ARIH2: variants seen among roughly 807,000 people sequenced by gnomAD.
The protein encoded by ARIH2 is E3 ubiquitin-protein ligase ARIH2.
In ARIH2, 12 loss-of-function variants were observed where a neutral mutation model predicts 79.8. The observed-to-expected ratio is 0.15, with a 90% CI of 0.10 to 0.24. ARIH2 has a LOEUF of 0.24. Among genes scored for constraint, ARIH2 ranks in the 10% least tolerant of loss-of-function variants. ARIH2 has a pLI of 1.00. For synonymous variants in ARIH2, 224 were observed against 213.9 expected (o/e 1.05, Z -0.41); for missense variants, 301 against 618.3 (o/e 0.49, Z 5.44).
At chr3:48,942,931 G>T (rs931926499) in intron 3 of ARIH2, among the ~76,000 whole-genome samples, 3 of 152,012 alleles carry the variant, frequency 2.0e-5, no homozygotes, top group Admixed American at 6.6e-5. Flanking sequence ...AATTACAGGA[G>T]TGAGTCACCG....
At chr3:48,976,169 C>G (rs941375818) in intron 11 of ARIH2, among the ~76,000 whole-genome samples, 1 of 148,926 alleles carries the variant, frequency 6.7e-6, no homozygotes, top group South Asian at 2.1e-4. Flanking sequence ...ACCTTGGCCT[C>G]TTAAAGTGCT....
Position 48,961,619 on chromosome 3 carries a change from A to T in ARIH2, c.263A>T (p.His88Leu), listed in dbSNP as rs1285107929. Reference sequence around the variant, plus strand: ...TTTCTTTCTTCTTTCTAGGTATCTCATTCAGTTGCTAAACTTATATTAGTT... The same window carrying T: ...TTTCTTTCTTCTTTCTAGGTATCTCTTTCAGTTGCTAAACTTATATTAGTT... ...TSLASVLKVSHSVAKLILVNF... is the reference protein window; with the variant it reads ...TSLASVLKVSLSVAKLILVNF... The change falls in exon 4 of 16, where the codon CAT becomes CTT. Residue 88 changes from histidine to leucine, a missense_variant. Physicochemically the swap from His to Leu is moderately conservative, Grantham distance 99. Around this residue, in one of 2 missense-constraint regions of ARIH2, gnomAD observed 223 missense variants for 349.4 expected, o/e 0.64. Transcript: ENST00000356401. 6.3e-7 allele frequency: 1 copy of T among 1,596,498 alleles called. No individual in the cohort carries two copies. The highest frequency in any genetic ancestry group is 8.6e-7 in the Non-Finnish European group (1 of 1,164,744).
chr3:48,927,432 G>A (rs1170260517), intron 2 of ARIH2, 30 bp from the exon 3 acceptor site: 3 of 1,201,340 alleles, frequency 2.5e-6, no homozygotes, highest in East Asian at 2.4e-5. Context: ...TGGGGAAAAA[G>A]TAACACTTAT....
chr3:48,919,017 T>C lies in ARIH2; in HGVS notation c.-162+19T>C, dbSNP rs1044821101. On this transcript the variant is annotated intron_variant, in intron 1 of 15. Transcript: ENST00000356401. The stretch of plus-strand genomic sequence containing the variant: ...GCTCCCGGTAAGTGCGCGGCGCACG[T>C]CACGGCCTTGTTTACCTTGGCTGGC... The C allele has an allele frequency of 7.0e-7, 1 of 1,423,944 alleles. No individual in the cohort carries two copies. Among genetic ancestry groups the C allele is most frequent in the Non-Finnish European group, 9.1e-7 (1 of 1,094,920 alleles). The allele number at this position is 1,423,944 out of a possible 1,614,324, so 88.2% of individuals were successfully genotyped here. A position where few individuals can be genotyped will look rare whatever the true frequency, so the allele number is the denominator to read the frequency against.
chr3:48,960,910 T>A (rs1299767537), intron 3 of ARIH2, among the ~76,000 whole-genome samples: 5 of 152,220 alleles, frequency 3.3e-5, no homozygotes, highest in African/African-American at 1.2e-4. Flanking sequence ...TTGTAAGTAA[T>A]CCTGTGGTAA....
chr3:48,966,157 A>G (rs2091773768), intron 5 of ARIH2, among the ~76,000 whole-genome samples: 1 of 152,186 alleles, frequency 6.6e-6, no homozygotes. Flanking sequence ...CTAAACGAAC[A>G]TATGTCGAAT....
At chr3:48,919,058 T>G (rs2084327281) in intron 1 of ARIH2, 60 bp downstream of exon 1, 1 of 1,318,928 alleles carries the variant, frequency 7.6e-7, no homozygotes, top group African/African-American at 1.5e-5. Flanking sequence ...GGGGGGCCTC[T>G]CCGCGCGCCT....
At chr3:48,945,194 A>AG in intron 3 of ARIH2, 3 of 1,289,732 alleles carry the variant, frequency 2.3e-6, no homozygotes, top group Non-Finnish European at 3.0e-6. Flanking sequence ...AAGTGTGGGA[A>AG]GGGCTGGTGA....
intron 11 of ARIH2, among the ~76,000 whole-genome samples, chr3:48,978,483 ATTT>A (rs58279033): frequency 4.0e-4 from 16 of 40,460 alleles, no homozygotes; most frequent in East Asian, 1.4e-3. Flanking sequence ...ATATATATAT[ATTT>A]TTTTTTTTTT....
Position 48,983,559 on chromosome 3 carries a change from A to T in ARIH2, c.*289A>T. On this transcript the variant is annotated 3_prime_UTR_variant, in exon 16 of 16. Coordinates refer to ENST00000356401, the MANE Select transcript of ARIH2 (RefSeq NM_006321.4). Reference sequence around the variant, plus strand: ...TGTTTTCTGAATGGCTATTAATAGTATTAGATCATTACAACTTATGTAACT... The same window carrying T: ...TGTTTTCTGAATGGCTATTAATAGTTTTAGATCATTACAACTTATGTAACT... 2 of 371,590 alleles carry T rather than the reference A, an allele frequency of 5.4e-6. No homozygotes were observed. The highest frequency in any genetic ancestry group is 9.7e-6 in the Non-Finnish European group (2 of 205,310). The allele number at this position is 371,590 out of a possible 1,614,324, so 23.0% of individuals were successfully genotyped here. A position where few individuals can be genotyped will look rare whatever the true frequency, so the allele number is the denominator to read the frequency against.
At chr3:48,919,183 G>C (rs753330719) in intron 1 of ARIH2, 185 bp downstream of exon 1, 19 of 1,298,372 alleles carry the variant, frequency 1.5e-5, no homozygotes, top group Non-Finnish European at 1.7e-5. Context: ...CCCAGCGTGT[G>C]TCTGCCTTTT....
At chr3:48,923,370 A>T (rs1445096950) in intron 2 of ARIH2, among the ~76,000 whole-genome samples, 1 of 151,556 alleles carries the variant, frequency 6.6e-6, no homozygotes, top group Non-Finnish European at 1.5e-5. Flanking sequence ...ACTGCATTCC[A>T]GCCAGGGTGA....
At chr3:48,937,370 C>T (rs1007806601) in intron 3 of ARIH2, among the ~76,000 whole-genome samples, 6 of 151,990 alleles carry the variant, frequency 3.9e-5, no homozygotes, top group East Asian at 1.9e-4. Context: ...TCCACCAACC[C>T]GGAAATAGAG....
At chr3:48,966,945 C>A (rs1277977296) in intron 5 of ARIH2, among the ~76,000 whole-genome samples, 180 bp from the exon 6 acceptor site, 1 of 152,180 alleles carries the variant, frequency 6.6e-6, no homozygotes, top group Middle Eastern at 3.2e-3. Flanking sequence ...CTTCAGGAAG[C>A]CTTCCTGGTA....
chr3:48,980,866 C>A (rs1353327268), intron 13 of ARIH2, among the ~76,000 whole-genome samples: 1 of 149,040 alleles, frequency 6.7e-6, no homozygotes, highest in Non-Finnish European at 1.5e-5. Context: ...AATAAAAATA[C>A]AAAAATTAGC....
chr3:48,942,560 C>A (rs1350737130), intron 3 of ARIH2, among the ~76,000 whole-genome samples: 1 of 150,642 alleles, frequency 6.6e-6, no homozygotes. Context: ...TGGAGTGCAA[C>A]CTCCGCCTCC....
intron 12 of ARIH2, chr3:48,979,914 C>CT (rs113959895): frequency 0.063 from 15,512 of 247,704 alleles, 1 homozygote; most frequent in Middle Eastern, 0.094. Flanking sequence ...CTAGTACCAT[C>CT]TTTTTTTTTT....
intron 3 of ARIH2, among the ~76,000 whole-genome samples, chr3:48,935,200 G>A (rs912618665): frequency 3.3e-5 from 5 of 152,132 alleles, no homozygotes; most frequent in Non-Finnish European, 7.3e-5. Context: ...CTCCTGTTAT[G>A]TTCCTGTGCC....
intron 3 of ARIH2, among the ~76,000 whole-genome samples, chr3:48,956,192 G>T (rs1337231686): frequency 6.6e-6 from 1 of 151,268 alleles, no homozygotes; most frequent in African/African-American, 2.4e-5. Context: ...AGGCTGGAGT[G>T]CAGTGGTACC....
Sources: gnomAD v4.1 joint callset for allele counts (sites outside exome capture counted in the v4.1 genomes callset) on GRCh38, gnomAD v4.1.1 for gene constraint, gnomAD v4.1.1 regional missense constraint, MANE v1.5 for transcripts, NCBI Gene and HGNC (gene_info 2026-07-23, HGNC 2026-07-21) for gene names.